GPSM1: variants seen among roughly 807,000 people sequenced by gnomAD.
GPSM1 encodes the protein G protein signaling modulator 1.
A neutral mutation model predicts 70.5 loss-of-function variants in GPSM1; 48 were observed. The observed-to-expected ratio is 0.68, with a 90% confidence interval of 0.54 to 0.87. GPSM1 has a LOEUF of 0.87. Among genes scored for constraint, GPSM1 ranks in the 40% least tolerant of loss-of-function variants. The probability of loss-of-function intolerance (pLI) is 0.00; values close to 1 mark genes in which losing one functional copy is unlikely to be tolerated. For missense variants in GPSM1, 981 were observed against 972.6 expected, an observed-to-expected ratio of 1.01 and a Z score of -0.11; for synonymous variants, 416 against 430.1, an observed-to-expected ratio of 0.97 and a Z score of 0.41.
chr9:136,358,168 G>A lies in GPSM1; in HGVS notation c.1976G>A (p.Gly659Glu), dbSNP rs1387206975. The A allele has an allele frequency of 3.8e-6, 6 of 1,586,726 alleles. No individual in the cohort carries two copies. The Admixed American group carries it at 1.1e-4, about 28-fold the overall frequency. The change falls in exon 14 of 14, where the codon GGG becomes GAG. Residue 659 changes from glycine (G) to glutamate (E), a missense_variant. By Grantham distance (98) the Gly-to-Glu change is moderately conservative. Transcript: ENST00000440944. ...RVDLAGGPEQGAGGPPEPQQQ... is the reference protein window; with the variant it reads ...RVDLAGGPEQEAGGPPEPQQQ... ...GACCTCGCCGGGGGCCCGGAGCAGGGGGCAGGCGGCCCGCCCGAGCCCCAG... is the reference window on the plus strand; with the variant it reads ...GACCTCGCCGGGGGCCCGGAGCAGGAGGCAGGCGGCCCGCCCGAGCCCCAG...
At chr9:136,330,572 C>A (rs564642550) in intron 1 of GPSM1, among the ~76,000 whole-genome samples, 7 of 152,336 alleles carry the variant, frequency 4.6e-5, no homozygotes, top group Non-Finnish European at 7.3e-5. Context: ...CCTCCCCTGG[C>A]CACTGAAGGG....
chr9:136,337,115 GC>G (rs1554769394), intron 4 of GPSM1, 43 bp downstream of exon 4: 1 of 1,491,432 alleles, frequency 6.7e-7, no homozygotes, highest in South Asian at 1.2e-5. Flanking sequence ...GCTGGCCTGT[GC>G]GTTTCTGAGC....
At position 136,348,716 on chromosome 9, in the gene GPSM1, G is replaced by T. The variant is rs138778632; in HGVS notation, c.1227G>T (p.Thr409=). 1.2e-5 allele frequency: 20 copies of T among 1,611,932 alleles called. No individual in the cohort carries two copies. The highest frequency in any genetic ancestry group is 1.4e-5 in the Non-Finnish European group (17 of 1,179,474). The part of the protein sequence containing the change: ...YEAQGARPKR[T]QRLSAETWDL... ...CTTCAGGGGCCAGACCCAAGAGGAC[G>T]CAGAGGCTGAGCGCGGAGACCTGGG... Residue 409 remains threonine (T), a synonymous_variant, in exon 10 of 14, where the codon ACG becomes ACT. Coordinates refer to ENST00000440944, the MANE Select transcript of GPSM1 (RefSeq NM_001145638.3).
Position 136,340,989 on chromosome 9 carries a change from C to G in GPSM1, c.1203C>G (p.Ala401=), listed in dbSNP as rs1588696829. The G allele has an allele frequency of 6.4e-7, 1 of 1,566,662 alleles. No individual in the cohort carries two copies. Among genetic ancestry groups the G allele is most frequent in the East Asian group, 2.4e-5 (1 of 42,230 alleles). The change falls in exon 9 of 14, where the codon GCC becomes GCG. Residue 401 remains alanine (A), a synonymous_variant. Transcript: ENST00000440944. The surrounding 1 kb of genome is among the most constrained non-coding windows in gnomAD (Gnocchi z 7.3). ...AGCCTGACCTGGCCGGCTATGAGGC[C>G]CAGGGTGAGTTCCAGGGTTGTGGGG... ...SEKPDLAGYE[A]QGARPKRTQR...
chr9:136,355,997 C>A (rs1832809252), intron 12 of GPSM1, 151 bp downstream of exon 12: 1 of 651,862 alleles, frequency 1.5e-6, no homozygotes, highest in East Asian at 2.8e-5. Flanking sequence ...CTCCGCAGCC[C>A]CCACAGAGCA....
At chr9:136,356,626 AG>A in intron 13 of GPSM1, 76 bp downstream of exon 13, 9 of 1,114,468 alleles carry the variant, frequency 8.1e-6, no homozygotes, top group Non-Finnish European at 1.2e-5. Context: ...TTGTGTCCTG[AG>A]GGGTGAGGTG....
At chr9:136,337,154 C>A in intron 4 of GPSM1, 82 bp downstream of exon 4, 1 of 1,294,262 alleles carries the variant, frequency 7.7e-7, no homozygotes, top group Non-Finnish European at 1.1e-6. Context: ...ACCCCCGACC[C>A]CAGCCCCATA....
At chr9:136,344,068 C>T (rs1396215324) in intron 9 of GPSM1, among the ~76,000 whole-genome samples, 5 of 151,918 alleles carry the variant, frequency 3.3e-5, no homozygotes, top group African/African-American at 4.8e-5. Context: ...AGGTGAGGAA[C>T]GGGGAGCCCA....
intron 11 of GPSM1, among the ~76,000 whole-genome samples, chr9:136,352,610 C>T (rs887059734): frequency 8.5e-5 from 13 of 152,228 alleles, no homozygotes; most frequent in Non-Finnish European, 1.6e-4. Context: ...ACTGGGGAGC[C>T]ACCGAGGGCT....
At position 136,342,545 on chromosome 9, in the gene GPSM1, T is replaced by G. The variant is rs1380408371; in HGVS notation, c.1207+1552T>G. ...GCCCAGGGCAGCCCGGCAGCCTGGCTGGGGCCGCCGCCCGGCTGCCGCTGT... is the reference window on the plus strand; with the variant it reads ...GCCCAGGGCAGCCCGGCAGCCTGGCGGGGGCCGCCGCCCGGCTGCCGCTGT... On this transcript the variant is annotated intron_variant, in intron 9 of 13. Coordinates refer to ENST00000440944, the MANE Select transcript of GPSM1 (RefSeq NM_001145638.3). This position sits in a 1 kb window ranked among gnomAD's most constrained non-coding sequence, Gnocchi z 5.5. 6.6e-6 allele frequency among the ~76,000 whole-genome samples: 1 copy of G among 151,926 alleles called. No homozygotes were observed. Among genetic ancestry groups the G allele is most frequent in the Non-Finnish European group, 1.5e-5 (1 of 67,950 alleles).
chr9:136,353,424 T>C (rs916906421), intron 11 of GPSM1, among the ~76,000 whole-genome samples: 1 of 152,046 alleles, frequency 6.6e-6, no homozygotes, highest in African/African-American at 2.4e-5. Flanking sequence ...TACTGGGACA[T>C]AAATGCAGGG....
chr9:136,341,033 G>A lies in GPSM1; in HGVS notation c.1207+40G>A. The A allele has an allele frequency of 6.4e-7, 1 of 1,561,564 alleles. No individual in the cohort carries two copies. ...TGTGGGGGGGTCTTGCTCCCCACAG[G>A]CACGGACCGCATCAGGAGCTGCGGA... On this transcript the variant is annotated intron_variant, in intron 9 of 13. Coordinates refer to ENST00000440944, the MANE Select transcript of GPSM1 (RefSeq NM_001145638.3). This position sits in a 1 kb window ranked among gnomAD's most constrained non-coding sequence, Gnocchi z 6.7.
chr9:136,337,686 G>T, intron 5 of GPSM1, 122 bp downstream of exon 5: 1 of 1,044,274 alleles, frequency 9.6e-7, no homozygotes, highest in East Asian at 2.6e-5. Context: ...CCGCCCCACC[G>T]AGTCCTGGCC....
rs1554772887 is a variant in GPSM1 at position 136,355,740 on chromosome 9, G to T, written c.1506G>T (p.Leu502Phe). The stretch of plus-strand genomic sequence containing the variant: ...ACGAGGAGTGCTTCTTTGACCTGTT[G>T]ACCAAGTTCCAGAGCAGCCGCATGG... ...SSDEECFFDL[L>F]TKFQSSRMDD... The change falls in exon 12 of 14, where the codon TTG (leucine) becomes TTT (phenylalanine). Residue 502 changes from leucine (L) to phenylalanine (F), a missense_variant. Transcript: ENST00000440944. The T allele has an allele frequency of 6.2e-7, 1 of 1,612,428 alleles. No homozygotes were observed. Among genetic ancestry groups the T allele is most frequent in the Admixed American group, 1.7e-5 (1 of 59,992 alleles).
At chr9:136,348,309 G>A (rs1409547765) in intron 9 of GPSM1, among the ~76,000 whole-genome samples, 2 of 152,196 alleles carry the variant, frequency 1.3e-5, no homozygotes, top group African/African-American at 2.4e-5. Context: ...CTCAGGAGGG[G>A]GGATTGGGTG....
intron 7 of GPSM1, 140 bp downstream of exon 7, chr9:136,338,850 G>T (rs2131399550): frequency 1.1e-6 from 1 of 901,608 alleles, no homozygotes; most frequent in Non-Finnish European, 1.7e-6. Context: ...CGCCACTGTG[G>T]GGACTGAGCC....
At chr9:136,335,450 C>T (rs1271589794) in intron 2 of GPSM1, among the ~76,000 whole-genome samples, 1 of 152,168 alleles carries the variant, frequency 6.6e-6, no homozygotes, top group Non-Finnish European at 1.5e-5. Flanking sequence ...CCCCCTCAGC[C>T]CTGCAGCTGC....
chr9:136,338,059 TC>T (rs1832292323), intron 6 of GPSM1, 98 bp downstream of exon 6: 2 of 739,514 alleles, frequency 2.7e-6, no homozygotes, highest in Non-Finnish European at 4.5e-6. Context: ...TCTGACTGCC[TC>T]CCCTCCCCTC....
chr9:136,339,713 C>A lies in GPSM1; in HGVS notation c.981C>A (p.Gly327=). 6.5e-7 allele frequency: 1 copy of A among 1,548,420 alleles called. No homozygotes were observed. The change falls in exon 8 of 14, where the codon GGC becomes GGA. Residue 327 remains glycine (G), a synonymous_variant. Coordinates refer to ENST00000440944, the MANE Select transcript of GPSM1 (RefSeq NM_001145638.3). ...LIAQELADRV[G]EGRACWSLGN... is the part of the protein sequence containing the mutation. Reference sequence around the variant, plus strand: ...TGGTCTCCCTCTCTGGCAGAGTGGGCGAGGGCCGGGCGTGCTGGAGCCTGG... The same window carrying A: ...TGGTCTCCCTCTCTGGCAGAGTGGGAGAGGGCCGGGCGTGCTGGAGCCTGG...
Sources: allele counts gnomAD v4.1 joint callset (sites outside exome capture counted in the v4.1 genomes callset), GRCh38; gene constraint gnomAD v4.1.1; non-coding constraint Gnocchi (gnomAD v3.1); transcripts MANE v1.5; gene names NCBI Gene and HGNC (gene_info 2026-07-23, HGNC 2026-07-21).